ERLIN2: variants seen among roughly 807,000 people sequenced by gnomAD.
The protein encoded by ERLIN2 is ER lipid raft associated 2, also known as erlin-2.
ERLIN2 carries 22 observed loss-of-function variants against 41.5 expected under a neutral mutation model. That is an observed-to-expected ratio of 0.53 (90% CI 0.38 to 0.76). The LOEUF (loss-of-function observed/expected upper bound fraction) is 0.76, where lower values mean the gene tolerates loss of function less well. ERLIN2 is among the 30% of genes least tolerant of loss of function. ERLIN2 has a pLI of 0.00. For missense variants in ERLIN2, 247 were observed against 414.3 expected (o/e 0.60, Z 3.51); for synonymous variants, 149 against 150.9 (o/e 0.99, Z 0.09).
chr8:37,747,662 C>T (rs1803096763), intron 6 of ERLIN2: 1 of 1,602,818 alleles, frequency 6.2e-7, no homozygotes, highest in Non-Finnish European at 8.5e-7. Flanking sequence ...GCTCCATCCA[C>T]AATGAAGGTA....
chr8:37,750,269 A>C (rs559767629), intron 8 of ERLIN2, 126 bp from the exon 9 acceptor site: 2 of 752,784 alleles, frequency 2.7e-6, no homozygotes, highest in South Asian at 2.9e-5. Context: ...TGGGCCATCG[A>C]ACAGCCTTCC....
rs558873001 is a variant in ERLIN2, at chr8:37,747,258, G to T, written c.425-2301G>T. 13 of 780,586 alleles carry T rather than the reference G, an allele frequency of 1.7e-5. 1 individual carries two copies. In the South Asian group the frequency reaches 1.8e-4, roughly 11 times the overall value. The allele number at this position is 780,586 out of a possible 1,614,324, so 48.4% of individuals were successfully genotyped here. A position where few individuals can be genotyped will look rare whatever the true frequency, so the allele number is the denominator to read the frequency against. ...TCTGCTGGGATATAAATAGGAACCAGTCTATGTAATCAAGAAGTTACTTTG... is the reference window on the plus strand; with the variant it reads ...TCTGCTGGGATATAAATAGGAACCATTCTATGTAATCAAGAAGTTACTTTG... On this transcript the variant is annotated intron_variant, in intron 6 of 11. Transcript: ENST00000519638.
intron 2 of ERLIN2, among the ~76,000 whole-genome samples, chr8:37,738,783 G>A (rs889629854): frequency 2.0e-5 from 3 of 152,146 alleles, no homozygotes; most frequent in African/African-American, 7.2e-5. Flanking sequence ...TATTTGGGGG[G>A]CTGAGGTGGG....
At chr8:37,744,509 C>T (rs1802968858) in intron 5 of ERLIN2, 62 bp from the exon 6 acceptor site, 15 of 1,611,832 alleles carry the variant, frequency 9.3e-6, no homozygotes, top group Non-Finnish European at 1.1e-5. Flanking sequence ...GGAGAGCTGC[C>T]GTGTCTGAGG....
chr8:37,748,546 A>G (rs914860636), intron 6 of ERLIN2, among the ~76,000 whole-genome samples: 1 of 152,180 alleles, frequency 6.6e-6, no homozygotes, highest in African/African-American at 2.4e-5. Flanking sequence ...TATTTTTGCT[A>G]CTAGCCAGCT....
chr8:37,744,504 G>A, intron 5 of ERLIN2, 67 bp from the exon 6 acceptor site: 1 of 1,611,544 alleles, frequency 6.2e-7, no homozygotes. Context: ...GAAAAGGAGA[G>A]CTGCCGTGTC....
chr8:37,738,320 C>T (rs1802726304), intron 2 of ERLIN2, among the ~76,000 whole-genome samples: 2 of 152,174 alleles, frequency 1.3e-5, no homozygotes, highest in Admixed American at 1.3e-4. Flanking sequence ...TGGTGCTCCT[C>T]ATTGATCATC....
chr8:37,749,503 CTCCCTCA>C, intron 6 of ERLIN2, 49 bp from the exon 7 acceptor site: 1 of 1,223,108 alleles, frequency 8.2e-7, no homozygotes, highest in South Asian at 1.2e-5. Context: ...TCATCCTGCC[CTCCCTCA>C]TCTAGAAAGT....
Position 37,751,627 on chromosome 8 carries a change from G to A in ERLIN2, c.651G>A (p.Glu217=). 6.2e-7 allele frequency: 1 copy of A among 1,611,784 alleles called. No homozygotes were observed. The highest frequency in any genetic ancestry group is 1.1e-5 in the South Asian group (1 of 91,032). The change falls in exon 10 of 12, where the codon GAG becomes GAA. Residue 217 remains glutamate (E), a splice_region_variant and synonymous_variant. Transcript: ENST00000519638. Reference sequence around the variant, plus strand: ...TAATCCTCACTATCATTTATTCAGAGGCAGAAAAAGTGGCCCAGGTGGCTG... The same window carrying A: ...TAATCCTCACTATCATTTATTCAGAAGCAGAAAAAGTGGCCCAGGTGGCTG... ...AETERKKALI[E]AEKVAQVAEI... is the part of the protein sequence containing the mutation.
rs1803344486 is a variant in ERLIN2, at chr8:37,755,708, G to C, written c.*1593G>C. The stretch of plus-strand genomic sequence containing the variant: ...AGGAATGGTCCCAGAGCTTGGGCCA[G>C]CTTGCTCAGAAGTTTTGGGAGCATT... On this transcript the variant is annotated 3_prime_UTR_variant, in exon 12 of 12. Transcript: ENST00000519638. The C allele has an allele frequency of 6.6e-6, 1 of 152,114 alleles. No homozygotes were observed. The highest frequency in any genetic ancestry group is 1.5e-5 in the Non-Finnish European group (1 of 68,032). The allele number at this position is 152,114 out of a possible 1,614,324, so 9.4% of individuals were successfully genotyped here.
intron 2 of ERLIN2, among the ~76,000 whole-genome samples, chr8:37,738,453 C>T (rs1358421097): frequency 6.6e-6 from 1 of 152,182 alleles, no homozygotes; most frequent in Non-Finnish European, 1.5e-5. Context: ...TTTACAAAAG[C>T]CAGCTGAGTA....
In ERLIN2 at chr8:37,755,640, A is replaced by G. The variant is rs1196746568; in HGVS notation, c.*1525A>G. 7.0e-6 allele frequency: 1 copy of G among 143,564 alleles called. No homozygotes were observed. The highest frequency in any genetic ancestry group is 7.4e-5 in the Admixed American group (1 of 13,520). The allele number at this position is 143,564 out of a possible 1,614,324, so 8.9% of individuals were successfully genotyped here. On this transcript the variant is annotated 3_prime_UTR_variant, in exon 12 of 12. Coordinates refer to ENST00000519638, the MANE Select transcript of ERLIN2 (RefSeq NM_007175.8). ...CTGTGAATGGTCCTTTCTGGCAGCA[A>G]TCCCTGCCTTCTTTTTGGGCCCATG...
chr8:37,753,596 C>T (rs751870836), intron 11 of ERLIN2, 67 bp downstream of exon 11: 1 of 1,456,198 alleles, frequency 6.9e-7, no homozygotes, highest in Non-Finnish European at 9.6e-7. Context: ...AGGAGAGTTT[C>T]CAGTGTTGAG....
At position 37,744,492 on chromosome 8, in the gene ERLIN2, T is replaced by G. The variant is rs1802968472; in HGVS notation, c.298+76T>G. On this transcript the variant is annotated intron_variant, in intron 5 of 11. Transcript: ENST00000519638. ...CACTCCCGTGTCTGTTGTAGCACCT[T>G]GGAAAAGGAGAGCTGCCGTGTCTGA... 15 of 1,610,810 alleles carry G rather than the reference T, an allele frequency of 9.3e-6. No individual in the cohort carries two copies. In the South Asian group the frequency reaches 1.6e-4, roughly 18 times the overall value.
Position 37,754,236 on chromosome 8 carries a change from A to C in ERLIN2, c.*121A>C, listed in dbSNP as rs1204063432. 1.2e-6 allele frequency: 1 copy of C among 827,212 alleles called. No individual in the cohort carries two copies. The highest frequency in any genetic ancestry group is 2.0e-6 in the Non-Finnish European group (1 of 493,990). 51.2% of individuals were successfully genotyped at this position (827,212 alleles called of 1,614,324 possible). A position where few individuals can be genotyped will look rare whatever the true frequency, so the allele number is the denominator to read the frequency against. ...TGTCTTCCAGTTACTGTGGTGAAAA[A>C]GAAGAAATGAACTTAAATCCACTCC... On this transcript the variant is annotated 3_prime_UTR_variant, in exon 12 of 12. Transcript: ENST00000519638.
chr8:37,750,027 C>G, intron 8 of ERLIN2, 175 bp downstream of exon 8: 1 of 700,366 alleles, frequency 1.4e-6, no homozygotes, highest in Non-Finnish European at 2.6e-6. Flanking sequence ...CACTGGGGCT[C>G]CCTACCTGTG....
chr8:37,740,453 T>G lies in ERLIN2; in HGVS notation c.189+7T>G. The G allele has an allele frequency of 1.2e-6, 2 of 1,608,816 alleles. No individual in the cohort carries two copies. Among genetic ancestry groups the G allele is most frequent in the Non-Finnish European group, 1.7e-6 (2 of 1,175,868 alleles). On this transcript the variant is annotated splice_region_variant and intron_variant, in intron 3 of 11. Transcript: ENST00000519638. ...ATCATATAAGTCTGTGCAGGTATGC[T>G]TGGCCTCTGTGGTATGGCTGGACGA...
At chr8:37,746,475 T>C (rs1803054220) in intron 6 of ERLIN2, 29 of 983,238 alleles carry the variant, frequency 2.9e-5, no homozygotes, top group Non-Finnish European at 3.5e-5. Context: ...ACTGAAGCAG[T>C]GTGACATAAA....
intron 9 of ERLIN2, 96 bp downstream of exon 9, chr8:37,750,582 C>CT (rs1187860886): frequency 4.1e-6 from 4 of 986,148 alleles, no homozygotes; most frequent in South Asian, 2.6e-5. Context: ...ACCCCATGGT[C>CT]CTCCAAACCA....
Sources: allele counts gnomAD v4.1 joint callset (sites outside exome capture counted in the v4.1 genomes callset), GRCh38; gene constraint gnomAD v4.1.1; transcripts MANE v1.5; gene names NCBI Gene and HGNC (gene_info 2026-07-23, HGNC 2026-07-21).